Variants in KCNK2 observed in about 807,000 individuals in gnomAD.
KCNK2 encodes the protein potassium channel subfamily K member 2.
Under a neutral mutation model 40.5 loss-of-function variants are expected in KCNK2, and 21 were observed. That is an observed-to-expected ratio of 0.52 (90% CI 0.37 to 0.75). The LOEUF is 0.75. Among genes scored for constraint, KCNK2 ranks in the 30% least tolerant of loss-of-function variants. KCNK2 has a pLI of 0.00. For missense variants in KCNK2, 399 were observed against 531.6 expected (o/e 0.75, Z 2.45); for synonymous variants, 191 against 202.2 (o/e 0.94, Z 0.47).
intron 2 of KCNK2, among the ~76,000 whole-genome samples, chr1:215,097,949 A>C (rs2102546936): frequency 6.6e-6 from 1 of 152,090 alleles, no homozygotes; most frequent in East Asian, 1.9e-4. Flanking sequence ...TCATTGATTA[A>C]ATATCCGCAT....
rs1406378908 is a variant in KCNK2, at chr1:215,209,488, C to T, written c.963+14396C>T. The stretch of plus-strand genomic sequence containing the variant: ...TATATAATATATATTATATATAATA[C>T]ATATATATAATATATAATATATATA... On this transcript the variant is annotated intron_variant, in intron 6 of 6. Transcript: ENST00000444842. Among the ~76,000 whole-genome samples, 121 of 15,850 alleles carry T rather than the reference C, an allele frequency of 7.6e-3. 2 individuals are homozygous for T. The highest frequency in any genetic ancestry group is 0.043 in the South Asian group (17 of 400). 10.4% of individuals were successfully genotyped at this position (15,850 alleles called of 152,430 possible). A position where few individuals can be genotyped will look rare whatever the true frequency, so the allele number is the denominator to read the frequency against.
chr1:215,218,246 C>T (rs1412219902), intron 6 of KCNK2, among the ~76,000 whole-genome samples: 1 of 152,130 alleles, frequency 6.6e-6, no homozygotes, highest in Admixed American at 6.6e-5. Context: ...TGGATATTGA[C>T]CTACAGCAAA....
intron 2 of KCNK2, among the ~76,000 whole-genome samples, chr1:215,105,048 T>A (rs1660378546): frequency 6.6e-6 from 1 of 152,100 alleles, no homozygotes; most frequent in African/African-American, 2.4e-5. Flanking sequence ...AGGCACTTAA[T>A]TTTTTAGTTG....
At chr1:215,017,031 C>A (rs1439520434) in intron 1 of KCNK2, among the ~76,000 whole-genome samples, 1 of 151,960 alleles carries the variant, frequency 6.6e-6, no homozygotes, top group Non-Finnish European at 1.5e-5. Flanking sequence ...AAATTAAAAC[C>A]ACAATGAGAT....
chr1:215,047,017 ACTT>A lies in KCNK2; in HGVS notation c.35-39347_35-39345del, dbSNP rs1657794065. 2.0e-5 allele frequency among the ~76,000 whole-genome samples: 3 copies of A among 152,210 alleles called. No homozygotes were observed. The South Asian group carries it at 6.2e-4, about 32-fold the overall frequency. ...TGATCAAGTCAAAGTTAATTTCACAACTTCTTAGAGTCTGGAAAACATTGAAAA... is the reference window on the plus strand; with the variant it reads ...TGATCAAGTCAAAGTTAATTTCACAACTTAGAGTCTGGAAAACATTGAAAA... On this transcript the variant is annotated intron_variant, in intron 1 of 6. Coordinates refer to the KCNK2 transcript ENST00000391895.
At chr1:215,153,307 A>G (rs886139468) in intron 3 of KCNK2, among the ~76,000 whole-genome samples, 2 of 152,156 alleles carry the variant, frequency 1.3e-5, no homozygotes, top group Non-Finnish European at 2.9e-5. Context: ...AACTAGGTAT[A>G]TTCTTAAGTC....
chr1:215,008,115 C>CT lies in KCNK2; in HGVS notation c.34+2175dup, dbSNP rs79977750. 5.3e-3 allele frequency among the ~76,000 whole-genome samples: 710 copies of CT among 132,992 alleles called. 1 individual carries two copies. The highest frequency in any genetic ancestry group is 0.015 in the South Asian group (62 of 4,076). The allele number at this position is 132,992 out of a possible 152,430, so 87.2% of individuals were successfully genotyped here. On this transcript the variant is annotated intron_variant, in intron 1 of 6. Coordinates refer to the KCNK2 transcript ENST00000391895. ...ACACAATATTACAGAAGTCCTAAGTCTTTTTTTTTTTTTTTAAGGAAAAGG... is the reference window on the plus strand; with the variant it reads ...ACACAATATTACAGAAGTCCTAAGTCTTTTTTTTTTTTTTTTAAGGAAAAGG...
At chr1:215,049,653 T>A (rs933544029) in intron 1 of KCNK2, among the ~76,000 whole-genome samples, 1 of 152,178 alleles carries the variant, frequency 6.6e-6, no homozygotes, top group Admixed American at 6.5e-5. Flanking sequence ...ATAATTCATT[T>A]TGAGTGAATT....
At chr1:215,070,954 CAAATT>C (rs1459653137) in intron 1 of KCNK2, among the ~76,000 whole-genome samples, 1 of 152,140 alleles carries the variant, frequency 6.6e-6, no homozygotes, top group Non-Finnish European at 1.5e-5. Flanking sequence ...TTGTCCTGAG[CAAATT>C]AAATTAATCA....
At chr1:215,064,478 A>C (rs1395236371) in intron 1 of KCNK2, among the ~76,000 whole-genome samples, 3 of 152,148 alleles carry the variant, frequency 2.0e-5, no homozygotes, top group Non-Finnish European at 2.9e-5. Flanking sequence ...CACCTCGGTG[A>C]TGAGACTGCA....
chr1:215,007,455 A>C (rs1056064244), intron 1 of KCNK2, among the ~76,000 whole-genome samples: 1 of 151,734 alleles, frequency 6.6e-6, no homozygotes, highest in Non-Finnish European at 1.5e-5. Flanking sequence ...TAGCTCTTGG[A>C]GTCAAATTTC....
rs142020531 is a variant in KCNK2 at position 215,190,231 on chromosome 1, C to T, written c.824-4722C>T. ...ATCGAAGAGGGCCGATGGCTGGGAA[C>T]GCTGGAGAGAGGACAGAGCAAGGTA... is the stretch of plus-strand genomic sequence containing the variant. On this transcript the variant is annotated intron_variant, in intron 5 of 6. Coordinates refer to ENST00000444842, the MANE Select transcript of KCNK2 (RefSeq NM_001017425.3). 1.7e-4 allele frequency among the ~76,000 whole-genome samples: 26 copies of T among 152,030 alleles called. No individual in the cohort carries two copies. The East Asian group carries it at 2.5e-3, about 15-fold the overall frequency.
chr1:215,179,582 T>C (rs1196663932), intron 5 of KCNK2, among the ~76,000 whole-genome samples: 1 of 152,050 alleles, frequency 6.6e-6, no homozygotes, highest in Non-Finnish European at 1.5e-5. Flanking sequence ...TTATCTCAAA[T>C]AATTTTTTTA....
chr1:215,042,745 T>C (rs1657611379), intron 1 of KCNK2, among the ~76,000 whole-genome samples: 1 of 152,198 alleles, frequency 6.6e-6, no homozygotes, highest in Non-Finnish European at 1.5e-5. Context: ...ACCTCTTGGG[T>C]TGATGTACCT....
At chr1:215,030,430 T>G (rs1347333876) in intron 1 of KCNK2, among the ~76,000 whole-genome samples, 1 of 152,176 alleles carries the variant, frequency 6.6e-6, no homozygotes, top group Non-Finnish European at 1.5e-5. Flanking sequence ...ATACATACTT[T>G]CTATTATGGA....
upstream of KCNK2, chr1:215,082,283 T>G (rs1323508422): frequency 6.6e-6 from 1 of 151,822 alleles, no homozygotes; most frequent in African/African-American, 2.4e-5. Context: ...GAAGCCAGGG[T>G]CTTCATTACC....
At chr1:215,148,362 A>G (rs941206883) in intron 3 of KCNK2, among the ~76,000 whole-genome samples, 1 of 151,876 alleles carries the variant, frequency 6.6e-6, no homozygotes, top group African/African-American at 2.4e-5. Context: ...GGCATGACCC[A>G]CCATGCCTGT....
intron 2 of KCNK2, among the ~76,000 whole-genome samples, chr1:215,105,661 T>C (rs1324410242): frequency 1.3e-5 from 2 of 152,130 alleles, no homozygotes; most frequent in African/African-American, 4.8e-5. Context: ...TGTATGATGC[T>C]GAGGCTTGGG....
chr1:215,102,423 T>C (rs1571910234), intron 2 of KCNK2, among the ~76,000 whole-genome samples: 1 of 152,060 alleles, frequency 6.6e-6, no homozygotes, highest in Non-Finnish European at 1.5e-5. Context: ...CTGTACAATG[T>C]GTTTGTTTTA....
Sources: allele counts gnomAD v4.1 joint callset (sites outside exome capture counted in the v4.1 genomes callset), GRCh38; gene constraint gnomAD v4.1.1; transcripts MANE v1.5; gene names NCBI Gene and HGNC (gene_info 2026-07-23, HGNC 2026-07-21).